CFAP44: variants seen among roughly 807,000 people sequenced by gnomAD.
CFAP44 encodes cilia and flagella associated protein 44.
A neutral mutation model predicts 216.2 loss-of-function variants in CFAP44; 134 were observed. The observed-to-expected ratio is 0.62, with a 90% CI of 0.54 to 0.72. CFAP44 has a LOEUF of 0.72. Among genes scored for constraint, CFAP44 ranks in the 30% least tolerant of loss-of-function variants. CFAP44 has a pLI of 0.00. For missense variants in CFAP44, 2,035 were observed against 2,182.1 expected (o/e 0.93, Z 1.34); for synonymous variants, 700 against 727.6 (o/e 0.96, Z 0.61).
intron 9 of CFAP44, among the ~76,000 whole-genome samples, chr3:113,401,941 T>C (rs749983786): frequency 2.6e-5 from 4 of 152,208 alleles, no homozygotes; most frequent in African/African-American, 9.6e-5. Context: ...TAAGCTATTA[T>C]AGTTTCCTTT....
intron 18 of CFAP44, among the ~76,000 whole-genome samples, chr3:113,366,956 T>C (rs1932956204): frequency 6.6e-6 from 1 of 152,074 alleles, no homozygotes. Context: ...CTTTGCTCAC[T>C]GCTAGCACAG....
Position 113,336,915 on chromosome 3 carries a change from A to G in CFAP44, c.3438-3332T>C, listed in dbSNP as rs143476632. On this transcript the variant is annotated intron_variant, in intron 24 of 34. Transcript: ENST00000393845. ...GAATGCTTCCTAAGATAAGGAACAA[A>G]GTGTGGATGCTAGTTCTTCCCACTG... is the stretch of plus-strand genomic sequence containing the variant. Among the ~76,000 whole-genome samples the G allele has an allele frequency of 2.0e-4, 30 of 151,970 alleles. No individual in the cohort carries two copies. The East Asian group carries it at 4.2e-3, about 22-fold the overall frequency.
intron 22 of CFAP44, among the ~76,000 whole-genome samples, chr3:113,349,098 C>A (rs949786863): frequency 2.6e-5 from 4 of 152,104 alleles, no homozygotes; most frequent in African/African-American, 9.7e-5. Context: ...TATCTGTTGA[C>A]CTGTGTTCTA....
intron 3 of CFAP44, 44 bp from the exon 4 acceptor site, chr3:113,426,321 G>T (rs1307957469): frequency 6.3e-7 from 1 of 1,594,162 alleles, no homozygotes; most frequent in Admixed American, 1.7e-5. Flanking sequence ...TGGTTTGGCT[G>T]TGTCCCCACC....
rs149231234 is a variant in CFAP44 at position 113,352,013 on chromosome 3, G to A, written c.3065+6732C>T. Among the ~76,000 whole-genome samples, 46 of 152,256 alleles carry A rather than the reference G, an allele frequency of 3.0e-4. No homozygotes were observed. In the East Asian group the frequency reaches 7.5e-3, roughly 25 times the overall value. ...ACCCCTACCCAGCAGGAAGTAGCTG[G>A]AGCAGTCATTGCCCAATTCCCAACA... On this transcript the variant is annotated intron_variant, in intron 22 of 34. Transcript: ENST00000393845.
chr3:113,366,415 T>C, intron 18 of CFAP44, 106 bp from the exon 19 acceptor site: 1 of 1,340,266 alleles, frequency 7.5e-7, no homozygotes, highest in Non-Finnish European at 1.0e-6. Flanking sequence ...TGTTATGGAC[T>C]GAATTGTACA....
chr3:113,341,066 GTCT>G (rs1198556413), intron 24 of CFAP44, among the ~76,000 whole-genome samples: 1 of 152,184 alleles, frequency 6.6e-6, no homozygotes, highest in Non-Finnish European at 1.5e-5. Flanking sequence ...AGTTACTTGT[GTCT>G]TCTTCTGCCA....
rs1453397253 is a variant in CFAP44, at chr3:113,287,744, A to G, written c.*3813T>C. The G allele has an allele frequency of 6.6e-6, 1 of 152,272 alleles. No homozygotes were observed. Among genetic ancestry groups the G allele is most frequent in the Non-Finnish European group, 1.5e-5 (1 of 68,056 alleles). 9.4% of individuals were successfully genotyped at this position (152,272 alleles called of 1,614,324 possible). On this transcript the variant is annotated 3_prime_UTR_variant, in exon 35 of 35. Transcript: ENST00000393845. ...CTGGACTTGAGATGAAGTTTAGGTCATATTGAAGAAATAGAACTAATCTTT... is the reference window on the plus strand; with the variant it reads ...CTGGACTTGAGATGAAGTTTAGGTCGTATTGAAGAAATAGAACTAATCTTT...
Position 113,411,936 on chromosome 3 carries a change from C to CTG in CFAP44, c.674-2615_674-2614insCA, listed in dbSNP as rs1157171406. On this transcript the variant is annotated intron_variant, in intron 6 of 34. Transcript: ENST00000393845. ...ATGGGAGTTCACTCATGATTTGGCT[C>CTG]TCTGTCTGTTATTGGTGTATAAGAA... Among the ~76,000 whole-genome samples the CTG allele has an allele frequency of 2.2e-3, 291 of 132,330 alleles. 2 individuals are homozygous for CTG. Among genetic ancestry groups the CTG allele is most frequent in the African/African-American group, 6.1e-3 (238 of 38,882 alleles). 86.8% of individuals were successfully genotyped at this position (132,330 alleles called of 152,430 possible).
At chr3:113,414,007 C>A (rs958565122) in intron 6 of CFAP44, among the ~76,000 whole-genome samples, 2 of 152,104 alleles carry the variant, frequency 1.3e-5, no homozygotes, top group African/African-American at 4.8e-5. Flanking sequence ...AATGTTTTTC[C>A]GTTTGTTTGT....
intron 2 of CFAP44, among the ~76,000 whole-genome samples, chr3:113,428,048 C>A (rs1029697728): frequency 2.0e-5 from 3 of 152,134 alleles, no homozygotes; most frequent in Non-Finnish European, 4.4e-5. Context: ...CTGGGCCAAG[C>A]CAATTAGTTG....
chr3:113,331,053 G>A (rs1234715149), intron 25 of CFAP44, among the ~76,000 whole-genome samples: 1 of 152,074 alleles, frequency 6.6e-6, no homozygotes, highest in Non-Finnish European at 1.5e-5. Flanking sequence ...TTTCCTCCTG[G>A]AACTTTGAAT....
chr3:113,313,062 C>A (rs547971760), intron 28 of CFAP44, among the ~76,000 whole-genome samples: 1 of 152,164 alleles, frequency 6.6e-6, no homozygotes, highest in African/African-American at 2.4e-5. Flanking sequence ...AATGGTAGAT[C>A]CACCAACAGC....
intron 28 of CFAP44, among the ~76,000 whole-genome samples, chr3:113,311,139 T>C (rs1427608158): frequency 1.3e-5 from 2 of 152,210 alleles, no homozygotes; most frequent in Non-Finnish European, 2.9e-5. Flanking sequence ...ACAGCCATGA[T>C]AAAAATGCTT....
intron 19 of CFAP44, among the ~76,000 whole-genome samples, chr3:113,365,323 T>C (rs1168988639): frequency 6.6e-6 from 1 of 152,220 alleles, no homozygotes; most frequent in Non-Finnish European, 1.5e-5. Context: ...TACTTTGAAG[T>C]AGGCTACCTG....
At chr3:113,347,196 G>A (rs1950393548) in intron 22 of CFAP44, among the ~76,000 whole-genome samples, 2 of 152,230 alleles carry the variant, frequency 1.3e-5, no homozygotes, top group African/African-American at 2.4e-5. Context: ...TTCTGGGAAA[G>A]GGCTCTCTAA....
rs1337380773 is a variant in CFAP44, at chr3:113,287,001, A to G, written c.*4556T>C. On this transcript the variant is annotated 3_prime_UTR_variant, in exon 35 of 35. Transcript: ENST00000393845. ...TATTTATGCACTTGTAAATAAATGT[A>G]TATGTTTTATAATTCTGGAGAGACA... The G allele has an allele frequency of 2.1e-6, 2 of 951,652 alleles. No homozygotes were observed. The highest frequency in any genetic ancestry group is 2.7e-5 in the East Asian group (1 of 37,088). The allele number at this position is 951,652 out of a possible 1,614,324, so 59.0% of individuals were successfully genotyped here.
chr3:113,426,328 C>A (rs765948284), intron 3 of CFAP44, 51 bp from the exon 4 acceptor site: 9 of 1,577,114 alleles, frequency 5.7e-6, no homozygotes, highest in Non-Finnish European at 7.8e-6. Flanking sequence ...GCTGTGTCCC[C>A]ACCCAAATCT....
intron 18 of CFAP44, among the ~76,000 whole-genome samples, chr3:113,369,846 A>C (rs1396938542): frequency 6.6e-6 from 1 of 152,196 alleles, no homozygotes; most frequent in East Asian, 1.9e-4. Flanking sequence ...AAGACTAATA[A>C]AGAAGAAAAG....
Sources: gnomAD v4.1 joint callset for allele counts (sites outside exome capture counted in the v4.1 genomes callset) on GRCh38, gnomAD v4.1.1 for gene constraint, MANE v1.5 for transcripts, NCBI Gene and HGNC (gene_info 2026-07-23, HGNC 2026-07-21) for gene names.